NRP2: variants seen among roughly 807,000 people sequenced by gnomAD.
NRP2 encodes neuropilin-2.
NRP2 carries 52 observed loss-of-function variants against 110.4 expected under a neutral mutation model. The ratio of observed to expected loss-of-function variants is 0.47; its 90% CI spans 0.38 to 0.59. NRP2 has a LOEUF of 0.59. Among genes scored for constraint, NRP2 ranks in the 20% least tolerant of loss-of-function variants. The pLI is 0.00. For synonymous variants in NRP2, 508 were observed against 468.9 expected (o/e 1.08, Z -1.08); for missense variants, 1,049 against 1,203.0 (o/e 0.87, Z 1.89).
At position 205,796,183 on chromosome 2, in the gene NRP2, GAGC is replaced by G. The variant is rs1172812312; in HGVS notation, c.*1128_*1130del. ...CTGTGATCATATGAGGGCCAAGGCT[GAGC>G]AGTGTAGACAGAGACCCTTTGAAAT... On this transcript the variant is annotated 3_prime_UTR_variant, in exon 17 of 17. Coordinates refer to ENST00000357785, the MANE Select transcript of NRP2 (RefSeq NM_003872.3). 1.3e-5 allele frequency: 2 copies of G among 152,336 alleles called. No homozygotes were observed. Among genetic ancestry groups the G allele is most frequent in the South Asian group, 2.1e-4 (1 of 4,826 alleles). The allele number at this position is 152,336 out of a possible 1,614,324, so 9.4% of individuals were successfully genotyped here.
chr2:205,794,666 C>T, intron 16 of NRP2, 88 bp from the exon 17 acceptor site: 1 of 1,371,484 alleles, frequency 7.3e-7, no homozygotes, highest in Non-Finnish European at 1.0e-6. Context: ...CTACTGTGCT[C>T]TGAAGAGCCT....
chr2:205,721,840 CATCG>C (rs1330143063), intron 3 of NRP2, among the ~76,000 whole-genome samples: 1 of 152,202 alleles, frequency 6.6e-6, no homozygotes, highest in Non-Finnish European at 1.5e-5. Flanking sequence ...CAGCTAAAAA[CATCG>C]ATTGTTAATT....
chr2:205,715,740 T>C (rs1345075777), intron 2 of NRP2, among the ~76,000 whole-genome samples: 2 of 152,122 alleles, frequency 1.3e-5, no homozygotes, highest in African/African-American at 4.8e-5. Context: ...TTTCATTCTA[T>C]CTTCTCCCCA....
chr2:205,756,954 T>C (rs1398827097), intron 12 of NRP2: 2 of 152,182 alleles, frequency 1.3e-5, no homozygotes, highest in Non-Finnish European at 2.9e-5. Context: ...ATCATCATCA[T>C]TGTGATTGTT....
chr2:205,789,790 A>G lies in NRP2; in HGVS notation c.2426-2445A>G, dbSNP rs1268225692. On this transcript the variant is annotated intron_variant, in intron 15 of 16. Coordinates refer to ENST00000357785, the MANE Select transcript of NRP2 (RefSeq NM_003872.3). ...TTCCTTCCTGCTGGCCTCCTAAGGA[A>G]ACAGGCTGCAGTTTACCTACCAGGC... 2.0e-5 allele frequency among the ~76,000 whole-genome samples: 3 copies of G among 152,224 alleles called. No homozygotes were observed. The East Asian group carries it at 5.8e-4, about 29-fold the overall frequency.
intron 15 of NRP2, among the ~76,000 whole-genome samples, chr2:205,783,949 A>G (rs2058206318): frequency 1.3e-5 from 2 of 149,982 alleles, no homozygotes; most frequent in South Asian, 4.4e-4. Context: ...TTAACTCAGG[A>G]AAGAAAGCAG....
chr2:205,710,323 G>T (rs1157192425), intron 2 of NRP2, among the ~76,000 whole-genome samples: 1 of 152,190 alleles, frequency 6.6e-6, no homozygotes, highest in Non-Finnish European at 1.5e-5. Context: ...CCTTGGGCAG[G>T]TCACTTAACT....
Position 205,725,869 on chromosome 2 carries a change from G to A in NRP2, c.821-44G>A, listed in dbSNP as rs769301498. 6.2e-7 allele frequency: 1 copy of A among 1,609,308 alleles called. No homozygotes were observed. The highest frequency in any genetic ancestry group is 8.5e-7 in the Non-Finnish European group (1 of 1,176,750). ...CAGCATTTGGGGGATCCCGAGGTAT[G>A]AGGTTGGAAGGCCTAACTGCATTTG... On this transcript the variant is annotated intron_variant, in intron 5 of 16. Coordinates refer to ENST00000357785, the MANE Select transcript of NRP2 (RefSeq NM_003872.3). This position sits in a 1 kb window ranked among gnomAD's most constrained non-coding sequence, Gnocchi z 4.1.
In NRP2 at chr2:205,683,067, T is replaced by G. The variant is rs2056050466; in HGVS notation, c.-224T>G. ...AGGAAAACCGTGTTCTCTTCCCGGC[T>G]TGTTCCCTCTTTGCTGATTTCAGGA... On this transcript the variant is annotated 5_prime_UTR_variant, in exon 1 of 17. Coordinates refer to ENST00000357785, the MANE Select transcript of NRP2 (RefSeq NM_003872.3). 1 of 573,268 alleles carries G rather than the reference T, an allele frequency of 1.7e-6. No homozygotes were observed. The highest frequency in any genetic ancestry group is 3.1e-6 in the Non-Finnish European group (1 of 322,220). The allele number at this position is 573,268 out of a possible 1,614,324, so 35.5% of individuals were successfully genotyped here. A position where few individuals can be genotyped will look rare whatever the true frequency, so the allele number is the denominator to read the frequency against.
At chr2:205,743,702 T>C in intron 9 of NRP2, 150 bp downstream of exon 9, 4 of 1,429,512 alleles carry the variant, frequency 2.8e-6, no homozygotes, top group Non-Finnish European at 3.7e-6. Flanking sequence ...GAGATTACTT[T>C]GTGCCAGGCA....
chr2:205,763,967 C>A lies in NRP2; in HGVS notation c.2307+31C>A. On this transcript the variant is annotated intron_variant, in intron 13 of 16. Transcript: ENST00000357785. The surrounding 1 kb of genome is among the most constrained non-coding windows in gnomAD (Gnocchi z 4.0). ...GTGAGCAAAAAGGGAATCTTGTGATCCGTATTTCAATATTTCAAGGGCCGA... is the reference window on the plus strand; with the variant it reads ...GTGAGCAAAAAGGGAATCTTGTGATACGTATTTCAATATTTCAAGGGCCGA... The A allele has an allele frequency of 3.1e-6, 5 of 1,613,018 alleles. No individual in the cohort carries two copies. Among genetic ancestry groups the A allele is most frequent in the Non-Finnish European group, 4.2e-6 (5 of 1,179,466 alleles).
At chr2:205,773,573 C>G (rs2058054890) in intron 15 of NRP2, among the ~76,000 whole-genome samples, 1 of 152,160 alleles carries the variant, frequency 6.6e-6, no homozygotes, top group Non-Finnish European at 1.5e-5. Flanking sequence ...GAGCAGGATT[C>G]TGAGAGACTA....
At position 205,728,198 on chromosome 2, in the gene NRP2, ATCT is replaced by A. The variant is rs2057166688; in HGVS notation, c.1146+156_1146+158del. 1.5e-5 allele frequency: 14 copies of A among 918,874 alleles called. No individual in the cohort carries two copies. In the Admixed American group the frequency reaches 2.0e-4, roughly 13 times the overall value. 56.9% of individuals were successfully genotyped at this position (918,874 alleles called of 1,614,324 possible). ...GGCAAGGGTCGTGCTGGCCTTGAAA[ATCT>A]TCTCTCTTAGGCTAAAGCGATTGGA... On this transcript the variant is annotated intron_variant, in intron 7 of 16. Coordinates refer to ENST00000357785, the MANE Select transcript of NRP2 (RefSeq NM_003872.3).
chr2:205,733,589 C>G (rs773964609), intron 7 of NRP2, among the ~76,000 whole-genome samples: 16 of 152,164 alleles, frequency 1.1e-4, no homozygotes, highest in Middle Eastern at 3.2e-3. Context: ...CCCTCAATCT[C>G]TCCCCACCTG....
intron 15 of NRP2, chr2:205,768,584 C>T (rs2057966446): frequency 6.6e-6 from 1 of 152,202 alleles, no homozygotes; most frequent in South Asian, 2.1e-4. Context: ...CTGTGCTTAC[C>T]ATGAGGCTTC....
At chr2:205,779,147 A>C (rs1435640020) in intron 15 of NRP2, 1 of 152,244 alleles carries the variant, frequency 6.6e-6, no homozygotes, top group Admixed American at 6.5e-5. Flanking sequence ...TAAAATATGA[A>C]TGAATGAATG....
In NRP2 at chr2:205,794,738, A is replaced by G; in HGVS notation, c.2477-16A>G. ...AGGCAGTGCCTGCAATCTCTCATGA[A>G]TTTTATGTATCGCAGATGAATACGA... On this transcript the variant is annotated splice_polypyrimidine_tract_variant and intron_variant, in intron 16 of 16. Transcript: ENST00000357785. 6.2e-7 allele frequency: 1 copy of G among 1,613,948 alleles called. No homozygotes were observed. Among genetic ancestry groups the G allele is most frequent in the African/African-American group, 1.3e-5 (1 of 75,002 alleles).
In NRP2 at chr2:205,763,653, G is replaced by A. The variant is rs770649024; in HGVS notation, c.2045-21G>A. On this transcript the variant is annotated intron_variant, in intron 12 of 16. Coordinates refer to ENST00000357785, the MANE Select transcript of NRP2 (RefSeq NM_003872.3). This position sits in a 1 kb window ranked among gnomAD's most constrained non-coding sequence, Gnocchi z 4.0. ...TCCCGAGTGTTTATGGAGAACCTCT[G>A]TTTGGGTTTGTTTCTGCCAGATGAC... 6.2e-7 allele frequency: 1 copy of A among 1,614,026 alleles called. No individual in the cohort carries two copies. The highest frequency in any genetic ancestry group is 1.7e-5 in the Admixed American group (1 of 60,028).
intron 1 of NRP2, among the ~76,000 whole-genome samples, chr2:205,695,033 C>T (rs1387624469): frequency 1.3e-5 from 2 of 152,128 alleles, no homozygotes; most frequent in African/African-American, 4.8e-5. Context: ...GAAGTATGTT[C>T]AATATCTATG....
Sources: allele counts gnomAD v4.1 joint callset (sites outside exome capture counted in the v4.1 genomes callset), GRCh38; gene constraint gnomAD v4.1.1; non-coding constraint Gnocchi (gnomAD v3.1); transcripts MANE v1.5; gene names NCBI Gene and HGNC (gene_info 2026-07-23, HGNC 2026-07-21).